The following RBFOX1 variants were observed in gnomAD, a reference collection of about 807,000 sequenced individuals.
RBFOX1 encodes RNA binding fox-1 homolog 1.
In RBFOX1, 8 loss-of-function variants were observed where a neutral mutation model predicts 57.7. That is an observed-to-expected ratio of 0.14 (90% CI 0.08 to 0.25). The LOEUF (loss-of-function observed/expected upper bound fraction) is 0.25, where lower values mean the gene tolerates loss of function less well. RBFOX1 is among the 10% of genes least tolerant of loss of function. The pLI, the probability that RBFOX1 is intolerant of heterozygous loss-of-function variation, is 1.00. For synonymous variants in RBFOX1, 326 were observed against 222.4 expected, an observed-to-expected ratio of 1.47 and a Z score of -4.15; for missense variants, 611 against 548.5, an observed-to-expected ratio of 1.11 and a Z score of -1.14.
At chr16:5,438,076 G>A (rs944347170) in intron 1 of RBFOX1, among the ~76,000 whole-genome samples, 1 of 152,186 alleles carries the variant, frequency 6.6e-6, no homozygotes, top group Non-Finnish European at 1.5e-5. Context: ...ATGACCCATT[G>A]TTCATCTATA....
chr16:5,610,688 A>C (rs2047748606), intron 3 of RBFOX1: 1 of 86,242 alleles, frequency 1.2e-5, no homozygotes, highest in African/African-American at 2.7e-5. Context: ...TAAAATCAGA[A>C]AATTAAAAAA....
At chr16:6,589,107 A>AG (rs2097673455) in intron 2 of RBFOX1, among the ~76,000 whole-genome samples, 1 of 151,662 alleles carries the variant, frequency 6.6e-6, no homozygotes, top group Non-Finnish European at 1.5e-5. Flanking sequence ...ATATTACAAA[A>AG]AAACCCCTAA....
intron 3 of RBFOX1, among the ~76,000 whole-genome samples, chr16:5,777,069 C>G (rs1260147956): frequency 6.6e-6 from 1 of 152,224 alleles, no homozygotes; most frequent in African/African-American, 2.4e-5. Flanking sequence ...CTGACGTCAT[C>G]CATTGCTGCT....
At chr16:5,479,211 C>T (rs1043596222) in intron 2 of RBFOX1, among the ~76,000 whole-genome samples, 1 of 152,084 alleles carries the variant, frequency 6.6e-6, no homozygotes, top group Non-Finnish European at 1.5e-5. Context: ...CCTTCATGGC[C>T]CTTGTCAAAT....
At chr16:6,568,176 C>A (rs949408983) in intron 2 of RBFOX1, among the ~76,000 whole-genome samples, 1 of 152,180 alleles carries the variant, frequency 6.6e-6, no homozygotes, top group African/African-American at 2.4e-5. Flanking sequence ...ACAAAAGTTT[C>A]TTTTTCATCT....
chr16:6,398,983 T>A (rs7206238), intron 2 of RBFOX1, among the ~76,000 whole-genome samples: 2 of 152,064 alleles, frequency 1.3e-5, no homozygotes, highest in Non-Finnish European at 2.9e-5. Context: ...CCCGGATATC[T>A]GGGCATTTCC....
intron 14 of RBFOX1, among the ~76,000 whole-genome samples, chr16:7,696,848 A>G (rs1185715382): frequency 6.6e-6 from 1 of 152,158 alleles, no homozygotes; most frequent in Non-Finnish European, 1.5e-5. Flanking sequence ...ATCTAAATAT[A>G]AAGTGAACGT....
intron 3 of RBFOX1, among the ~76,000 whole-genome samples, chr16:6,714,621 C>T (rs955785073): frequency 3.9e-5 from 6 of 151,948 alleles, no homozygotes; most frequent in Non-Finnish European, 7.4e-5. Flanking sequence ...AGAAGAAATG[C>T]AGGTATTGAA....
Position 7,364,187 on chromosome 16 carries a change from C to T in RBFOX1, c.28-153960C>T, listed in dbSNP as rs545582269. ...CAGCTCAGCTTACGTCTGACGAGCT[C>T]TTGTCTGTTACATCAGTACCTTGGG... On this transcript the variant is annotated intron_variant, in intron 4 of 15. Transcript: ENST00000550418. Among the ~76,000 whole-genome samples the T allele has an allele frequency of 2.2e-4, 34 of 152,270 alleles. 1 individual carries two copies. In the South Asian group the frequency reaches 5.8e-3, roughly 26 times the overall value.
intron 3 of RBFOX1, among the ~76,000 whole-genome samples, chr16:5,629,010 A>T (rs558701397): frequency 6.6e-6 from 1 of 152,218 alleles, no homozygotes; most frequent in Non-Finnish European, 1.5e-5. Context: ...TGTCTTTCTA[A>T]TGATGCCATC....
At chr16:6,965,459 C>G (rs892915784) in intron 3 of RBFOX1, among the ~76,000 whole-genome samples, 1 of 152,076 alleles carries the variant, frequency 6.6e-6, no homozygotes, top group Non-Finnish European at 1.5e-5. Context: ...GCCTAAACCT[C>G]CCCAGTAGCT....
chr16:6,898,440 A>G (rs1003613670), intron 3 of RBFOX1, among the ~76,000 whole-genome samples: 1 of 152,186 alleles, frequency 6.6e-6, no homozygotes, highest in African/African-American at 2.4e-5. Flanking sequence ...GGTAGTAAGC[A>G]TTTGGAATCA....
At chr16:7,056,826 G>T (rs754357218) in intron 4 of RBFOX1, among the ~76,000 whole-genome samples, 1 of 152,118 alleles carries the variant, frequency 6.6e-6, no homozygotes, top group African/African-American at 2.4e-5. Context: ...TTCAAATACT[G>T]ATCTGCAATA....
At chr16:6,230,733 A>G (rs1391121872) in intron 1 of RBFOX1, among the ~76,000 whole-genome samples, 1 of 152,228 alleles carries the variant, frequency 6.6e-6, no homozygotes, top group African/African-American at 2.4e-5. Flanking sequence ...AGCTTAAGGA[A>G]AGAGCTGCAC....
chr16:6,878,447 C>A (rs1298377523), intron 3 of RBFOX1, among the ~76,000 whole-genome samples: 2 of 152,128 alleles, frequency 1.3e-5, no homozygotes, highest in Non-Finnish European at 2.9e-5. Flanking sequence ...CTTTGAGAAG[C>A]AACACCACCC....
At chr16:6,725,900 A>T (rs1351886575) in intron 3 of RBFOX1, among the ~76,000 whole-genome samples, 1 of 152,150 alleles carries the variant, frequency 6.6e-6, no homozygotes, top group African/African-American at 2.4e-5. Context: ...TTGGTAATTC[A>T]GTTTGATATT....
At chr16:6,078,327 T>G (rs1288768482) in intron 1 of RBFOX1, among the ~76,000 whole-genome samples, 1 of 152,272 alleles carries the variant, frequency 6.6e-6, no homozygotes, top group East Asian at 1.9e-4. Context: ...CCCCACAGGG[T>G]GCATGTGGCC....
At chr16:7,420,394 G>C (rs1218833686) in intron 4 of RBFOX1, among the ~76,000 whole-genome samples, 2 of 152,154 alleles carry the variant, frequency 1.3e-5, no homozygotes, top group East Asian at 1.9e-4. Context: ...ATAAGAAGGA[G>C]GTTGGTAGTT....
At chr16:6,857,735 A>G (rs2058168955) in intron 3 of RBFOX1, among the ~76,000 whole-genome samples, 1 of 152,168 alleles carries the variant, frequency 6.6e-6, no homozygotes, top group African/African-American at 2.4e-5. Flanking sequence ...GTAAATTGGG[A>G]GAGGCAGGGA....
Sources: allele counts gnomAD v4.1 joint callset (sites outside exome capture counted in the v4.1 genomes callset), GRCh38; gene constraint gnomAD v4.1.1; transcripts MANE v1.5; gene names NCBI Gene and HGNC (gene_info 2026-07-23, HGNC 2026-07-21).